The following ARID5B variants were observed in gnomAD, a reference collection of about 807,000 sequenced individuals.
The protein encoded by ARID5B is AT-rich interaction domain 5B, also known as AT-rich interactive domain-containing protein 5B.
In ARID5B, 13 loss-of-function variants were observed where a neutral mutation model predicts 97.2. The observed-to-expected ratio is 0.13, with a 90% confidence interval of 0.09 to 0.21. The LOEUF is 0.21. Ranked by LOEUF, ARID5B falls within the 10% of genes least tolerant of loss-of-function variation. The pLI is 1.00. For synonymous variants in ARID5B, 556 were observed against 570.3 expected, an observed-to-expected ratio of 0.97 and a Z score of 0.36; for missense variants, 1,210 against 1,465.3, an observed-to-expected ratio of 0.83 and a Z score of 2.84.
chr10:62,091,600 C>G lies in ARID5B; in HGVS notation c.2137C>G (p.Pro713Ala). 1.2e-6 allele frequency: 2 copies of G among 1,613,318 alleles called. No individual in the cohort carries two copies. Among genetic ancestry groups the G allele is most frequent in the Non-Finnish European group, 1.7e-6 (2 of 1,179,708 alleles). ...SLSSSYPYGS[P>A]PPLISKKKLI... ...CTCCAGCAGCTACCCTTATGGCTCC[C>G]CACCCCCTTTGATCAGCAAAAAGAA... is the stretch of plus-strand genomic sequence containing the variant. The change falls in exon 10 of 10, where the codon CCA becomes GCA. Residue 713 changes from proline to alanine, a missense_variant. Coordinates refer to ENST00000279873, the MANE Select transcript of ARID5B (RefSeq NM_032199.3).
rs373467054 is a variant in ARID5B, at chr10:62,096,066, C to G, written c.*3036C>G. 5.1e-5 allele frequency: 12 copies of G among 233,344 alleles called. 1 individual carries two copies. In the East Asian group the frequency reaches 5.4e-4, roughly 11 times the overall value. The allele number at this position is 233,344 out of a possible 1,614,324, so 14.5% of individuals were successfully genotyped here. On this transcript the variant is annotated 3_prime_UTR_variant, in exon 10 of 10. Coordinates refer to ENST00000279873, the MANE Select transcript of ARID5B (RefSeq NM_032199.3). The stretch of plus-strand genomic sequence containing the variant: ...AAATAAAAACAGCCCAACCGAGTTT[C>G]GGAATTAAGTATTCTTCTAGTAAGT...
rs775399612 is a variant in ARID5B at position 62,000,244 on chromosome 10, A to G, written c.656A>G (p.Asn219Ser). Reference sequence around the variant, plus strand: ...GGGGGCATTGCAGTGGTCAGCAGGAACCCTCAGATCCTGTACTGTCGGGAC... The same window carrying G: ...GGGGGCATTGCAGTGGTCAGCAGGAGCCCTCAGATCCTGTACTGTCGGGAC... ...ALGGIAVVSRNPQILYCRDTF... is the reference protein window; with the variant it reads ...ALGGIAVVSRSPQILYCRDTF... Residue 219 changes from asparagine to serine, a missense_variant, in exon 4 of 10, where the codon AAC becomes AGC. Coordinates refer to ENST00000279873, the MANE Select transcript of ARID5B (RefSeq NM_032199.3). The surrounding 1 kb of genome is among the most constrained non-coding windows in gnomAD (Gnocchi z 4.4). 2 of 1,613,518 alleles carry G rather than the reference A, an allele frequency of 1.2e-6. No individual in the cohort carries two copies. The highest frequency in any genetic ancestry group is 4.5e-5 in the East Asian group (2 of 44,818).
chr10:61,975,484 C>T (rs962777104), intron 3 of ARID5B, among the ~76,000 whole-genome samples: 19 of 151,996 alleles, frequency 1.3e-4, no homozygotes, highest in African/African-American at 4.1e-4. Context: ...AAGCCTGAGG[C>T]CAGATGTCTT....
chr10:62,049,493 A>G (rs941569590), intron 4 of ARID5B: 5 of 1,550,386 alleles, frequency 3.2e-6, no homozygotes, highest in Non-Finnish European at 3.5e-6. Context: ...GGTAATCGCT[A>G]CTTTCTCTTT....
chr10:61,931,506 G>T (rs1844209280), intron 2 of ARID5B, among the ~76,000 whole-genome samples: 2 of 152,030 alleles, frequency 1.3e-5, no homozygotes, highest in Admixed American at 1.3e-4. Context: ...AATCTAACTG[G>T]ACTTAATCAA....
chr10:61,913,238 C>T (rs1039529264), intron 2 of ARID5B, among the ~76,000 whole-genome samples: 1 of 152,214 alleles, frequency 6.6e-6, no homozygotes, highest in Non-Finnish European at 1.5e-5. Flanking sequence ...AAGCTGGTCT[C>T]TCTGGCTGTG....
intron 3 of ARID5B, among the ~76,000 whole-genome samples, chr10:61,990,920 A>C (rs952537392): frequency 1.1e-4 from 17 of 151,994 alleles, no homozygotes; most frequent in African/African-American, 3.9e-4. Context: ...CATTCCTTCC[A>C]ACCCTCCTAG....
chr10:61,978,685 G>C (rs987407233), intron 3 of ARID5B, among the ~76,000 whole-genome samples: 3 of 152,200 alleles, frequency 2.0e-5, no homozygotes, highest in Non-Finnish European at 2.9e-5. Context: ...ATATAAGAAT[G>C]CTTGTGATTT....
intron 5 of ARID5B, among the ~76,000 whole-genome samples, chr10:62,056,509 A>G (rs1428980262): frequency 6.6e-6 from 1 of 152,214 alleles, no homozygotes; most frequent in Non-Finnish European, 1.5e-5. Context: ...TGGAGAGAAT[A>G]GCAACAAGAG....
intron 1 of ARID5B, 43 bp downstream of exon 1, chr10:61,901,773 G>GGCCC: frequency 6.3e-7 from 1 of 1,595,990 alleles, no homozygotes. Context: ...GCACCCCCCG[G>GGCCC]CACCCCCCAA....
At chr10:62,044,839 T>C (rs1385170961) in intron 4 of ARID5B, among the ~76,000 whole-genome samples, 1 of 152,242 alleles carries the variant, frequency 6.6e-6, no homozygotes. Context: ...AATGGCCCAG[T>C]GTGTTTATAT....
At chr10:62,052,224 C>T (rs556823272) in intron 5 of ARID5B, among the ~76,000 whole-genome samples, 7 of 152,338 alleles carry the variant, frequency 4.6e-5, no homozygotes, top group African/African-American at 1.7e-4. Context: ...ATTTAACTTT[C>T]TGCGAATTAA....
At chr10:61,979,243 C>T (rs1287274995) in intron 3 of ARID5B, among the ~76,000 whole-genome samples, 1 of 152,184 alleles carries the variant, frequency 6.6e-6, no homozygotes. Context: ...TAGTGAGTTT[C>T]CTCTGGGAGA....
At chr10:62,086,819 C>A (rs948077149) in intron 9 of ARID5B, among the ~76,000 whole-genome samples, 7 of 151,508 alleles carry the variant, frequency 4.6e-5, no homozygotes, top group Non-Finnish European at 8.8e-5. Flanking sequence ...TGTGATTATA[C>A]CACTGCACTC....
rs1427732635 is a variant in ARID5B, at chr10:61,983,044, G to A, written c.503-17047G>A. ...TCTTGGCTGCCTAGAACCTCATATTGAGGCTCCTTCAGAGGCTGCTTGTGT... is the reference window on the plus strand; with the variant it reads ...TCTTGGCTGCCTAGAACCTCATATTAAGGCTCCTTCAGAGGCTGCTTGTGT... On this transcript the variant is annotated intron_variant, in intron 3 of 9. Coordinates refer to ENST00000279873, the MANE Select transcript of ARID5B (RefSeq NM_032199.3). Among the ~76,000 whole-genome samples the A allele has an allele frequency of 2.6e-5, 4 of 152,130 alleles. No individual in the cohort carries two copies. In the East Asian group the frequency reaches 7.7e-4, roughly 29 times the overall value.
At chr10:62,007,604 G>A (rs1042442504) in intron 4 of ARID5B, among the ~76,000 whole-genome samples, 2 of 152,114 alleles carry the variant, frequency 1.3e-5, no homozygotes, top group Non-Finnish European at 2.9e-5. Context: ...TGCTGTTTAA[G>A]TACTCATTGT....
At chr10:62,064,102 C>T (rs1274737253) in intron 7 of ARID5B, among the ~76,000 whole-genome samples, 1 of 152,234 alleles carries the variant, frequency 6.6e-6, no homozygotes, top group Admixed American at 6.5e-5. Context: ...CATTGTTCTT[C>T]ATCTGGAAGA....
intron 8 of ARID5B, among the ~76,000 whole-genome samples, chr10:62,075,337 T>G (rs1840114314): frequency 6.6e-6 from 1 of 152,160 alleles, no homozygotes; most frequent in Non-Finnish European, 1.5e-5. Flanking sequence ...ATAAGCTAAA[T>G]CAAACATGCC....
At chr10:62,026,198 G>T (rs1839418916) in intron 4 of ARID5B, among the ~76,000 whole-genome samples, 1 of 152,294 alleles carries the variant, frequency 6.6e-6, no homozygotes, top group East Asian at 1.9e-4. Flanking sequence ...AACTGACCAG[G>T]GCAGAACTGC....
Sources: gnomAD v4.1 joint callset for allele counts (sites outside exome capture counted in the v4.1 genomes callset) on GRCh38, gnomAD v4.1.1 for gene constraint, Gnocchi (gnomAD v3.1) non-coding constraint, MANE v1.5 for transcripts, NCBI Gene and HGNC (gene_info 2026-07-23, HGNC 2026-07-21) for gene names.